Variants in ABR observed in about 807,000 individuals in gnomAD.
ABR encodes active breakpoint cluster region-related protein.
ABR carries 35 observed loss-of-function variants against 107.2 expected under a neutral mutation model. That is an observed-to-expected ratio of 0.33 (90% CI 0.25 to 0.43). The LOEUF (loss-of-function observed/expected upper bound fraction) is 0.43. Among genes scored for constraint, ABR ranks in the 20% least tolerant of loss-of-function variants. The pLI is 1.00. For synonymous variants in ABR, 498 were observed against 462.0 expected (o/e 1.08, Z -1.00); for missense variants, 815 against 1,115.2 (o/e 0.73, Z 3.83).
chr17:1,144,445 C>T (rs2040445167), intron 1 of ABR, among the ~76,000 whole-genome samples: 1 of 152,124 alleles, frequency 6.6e-6, no homozygotes, highest in South Asian at 2.1e-4. Context: ...CAGACCTAAT[C>T]TCTAGGTGCC....
chr17:1,108,795 C>T (rs2038437878), intron 2 of ABR: 1 of 1,085,452 alleles, frequency 9.2e-7, no homozygotes, highest in South Asian at 1.9e-5. Context: ...CCCCCGGGAA[C>T]AGCTGCCGGG....
intron 2 of ABR, among the ~76,000 whole-genome samples, chr17:1,114,948 G>C (rs1408220669): frequency 6.6e-6 from 1 of 152,200 alleles, no homozygotes; most frequent in African/African-American, 2.4e-5. Flanking sequence ...AGACTGCAAT[G>C]AGCAAGTTTT....
At chr17:1,048,807 C>T (rs987418034) in intron 16 of ABR, among the ~76,000 whole-genome samples, 6 of 151,864 alleles carry the variant, frequency 4.0e-5, no homozygotes, top group Non-Finnish European at 7.3e-5. Flanking sequence ...TCAAGAAGCT[C>T]GGCGCCCAGC....
At position 1,224,810 on chromosome 17, in the gene ABR, G is replaced by A. The variant is rs376235733; in HGVS notation, c.838+3983C>T. On this transcript the variant is annotated intron_variant, in intron 1 of 22. Transcript: ENST00000574139. ...CCACTTCAGCCTCCTGAGTAGCTGG[G>A]ACTATAGGTTCACACCACCACAACT... Among the ~76,000 whole-genome samples, 790 of 152,172 alleles carry A rather than the reference G, an allele frequency of 5.2e-3. 9 individuals are homozygous for A. The highest frequency in any genetic ancestry group is 0.026 in the South Asian group (127 of 4,814).
intron 11 of ABR, 90 bp from the exon 12 acceptor site, chr17:1,058,135 T>TAA: frequency 2.0e-6 from 1 of 492,392 alleles, no homozygotes; most frequent in Non-Finnish European, 3.4e-6. Context: ...GCTCCTTTTA[T>TAA]CTTTTTTTTT....
intron 16 of ABR, among the ~76,000 whole-genome samples, chr17:1,045,430 G>A (rs1042030512): frequency 1.9e-4 from 28 of 149,300 alleles, no homozygotes; most frequent in African/African-American, 6.5e-4. Context: ...ACAATCTTCC[G>A]TCTTCTTACA....
At chr17:1,220,852 C>T (rs1439519069) in intron 1 of ABR, among the ~76,000 whole-genome samples, 1 of 152,148 alleles carries the variant, frequency 6.6e-6, no homozygotes, top group African/African-American at 2.4e-5. Context: ...ATGAGCCCAG[C>T]CCTGTGAAAG....
At chr17:1,113,567 G>A (rs968881807) in intron 2 of ABR, among the ~76,000 whole-genome samples, 3 of 152,192 alleles carry the variant, frequency 2.0e-5, no homozygotes, top group Admixed American at 6.5e-5. Flanking sequence ...GATTACAGGT[G>A]TGAGACACGG....
chr17:1,159,845 G>C (rs75775501), intron 1 of ABR, among the ~76,000 whole-genome samples: 1,857 of 152,304 alleles, frequency 0.012, 34 homozygotes, highest in East Asian at 0.11. Context: ...GTCCTTGGTC[G>C]TGGGTCCACG....
upstream of ABR, among the ~76,000 whole-genome samples, chr17:1,181,274 A>G (rs1281934939): frequency 1.3e-5 from 2 of 152,074 alleles, no homozygotes; most frequent in Admixed American, 6.6e-5. Flanking sequence ...GAAGCCCCAT[A>G]AGCTGCTTGG....
chr17:1,082,941 C>A (rs971364232), intron 5 of ABR, among the ~76,000 whole-genome samples: 1 of 151,882 alleles, frequency 6.6e-6, no homozygotes, highest in African/African-American at 2.4e-5. Context: ...CTGGCCAACA[C>A]GGCAAAACCT....
chr17:1,081,584 C>CTT lies in ABR; in HGVS notation c.639+1934_639+1935dup. 2.0e-5 allele frequency among the ~76,000 whole-genome samples: 3 copies of CTT among 150,518 alleles called. No homozygotes were observed. In the East Asian group the frequency reaches 5.9e-4, roughly 29 times the overall value. The stretch of plus-strand genomic sequence containing the variant: ...ATTCCTGCAAGGGACTCAATAGATA[C>CTT]TTTTTTTTTTCCAGACAGGGTCTCG... On this transcript the variant is annotated intron_variant, in intron 5 of 22. Transcript: ENST00000302538.
rs150306699 is a variant in ABR, at chr17:1,092,496, T to G, written c.346-646A>C. Among the ~76,000 whole-genome samples the G allele has an allele frequency of 3.9e-3, 592 of 152,234 alleles. 3 individuals carry two copies. The highest frequency in any genetic ancestry group is 0.013 in the African/African-American group (542 of 41,534). ...CTCAGACTCTTTCTCAATGCCTGCC[T>G]GTCTATACCAAGATGCTCCAGGGCC... is the stretch of plus-strand genomic sequence containing the variant. On this transcript the variant is annotated intron_variant, in intron 3 of 22. Transcript: ENST00000302538. This position sits in a 1 kb window ranked among gnomAD's most constrained non-coding sequence, Gnocchi z 4.6.
intron 10 of ABR, 135 bp downstream of exon 10, chr17:1,066,942 G>A: frequency 1.2e-6 from 1 of 853,948 alleles, no homozygotes; most frequent in South Asian, 1.7e-5. Context: ...AGCTACTGTA[G>A]TCGGGGTCTT....
chr17:1,014,825 G>A (rs1391494562), intron 16 of ABR, among the ~76,000 whole-genome samples: 1 of 151,926 alleles, frequency 6.6e-6, no homozygotes, highest in Non-Finnish European at 1.5e-5. Flanking sequence ...CAGCCTGGGC[G>A]ACAGAGTGAG....
At chr17:1,101,911 T>TTTG (rs2037911947) in intron 2 of ABR, among the ~76,000 whole-genome samples, 1 of 152,046 alleles carries the variant, frequency 6.6e-6, no homozygotes, top group Non-Finnish European at 1.5e-5. Context: ...CTTTTTGTAT[T>TTTG]TTTAGTAGAG....
At chr17:1,099,842 G>A (rs888208624) in intron 3 of ABR, among the ~76,000 whole-genome samples, 2 of 152,110 alleles carry the variant, frequency 1.3e-5, no homozygotes, top group Admixed American at 1.3e-4. Flanking sequence ...AAAGAACACA[G>A]ACAGGCCGGG....
At chr17:1,126,701 A>G (rs2039618886) in intron 1 of ABR, among the ~76,000 whole-genome samples, 1 of 152,162 alleles carries the variant, frequency 6.6e-6, no homozygotes, top group South Asian at 2.1e-4. Context: ...CCATCTGCCC[A>G]GACATCCTTT....
intron 1 of ABR, among the ~76,000 whole-genome samples, chr17:1,204,020 C>A (rs1385257697): frequency 1.3e-5 from 2 of 152,228 alleles, no homozygotes; most frequent in Non-Finnish European, 2.9e-5. Context: ...AAACCACCGA[C>A]CCCCGGCCCA....
Sources: allele counts gnomAD v4.1 joint callset (sites outside exome capture counted in the v4.1 genomes callset), GRCh38; gene constraint gnomAD v4.1.1; non-coding constraint Gnocchi (gnomAD v3.1); transcripts MANE v1.5; gene names NCBI Gene and HGNC (gene_info 2026-07-23, HGNC 2026-07-21).